Variants in ROMO1 observed in about 807,000 individuals in gnomAD.
The protein encoded by ROMO1 is reactive oxygen species modulator 1, also known as PCM19.
A neutral mutation model predicts 7.4 loss-of-function variants in ROMO1; 8 were observed. The ratio of observed to expected loss-of-function variants is 1.08; its 90% CI spans 0.63 to 1.95. The LOEUF (loss-of-function observed/expected upper bound fraction) is 1.95, where lower values mean the gene tolerates loss of function less well. Ranked by LOEUF, ROMO1 falls within the 30% of genes most tolerant of loss-of-function variation. The pLI is 0.00. For missense variants in ROMO1, 91 were observed against 115.9 expected (o/e 0.79, Z 0.99); for synonymous variants, 43 against 41.4 (o/e 1.04, Z -0.15).
intron 2 of ROMO1, 79 bp from the exon 3 acceptor site, chr20:35,700,719 C>A (rs2035248745): frequency 8.2e-7 from 1 of 1,214,062 alleles, no homozygotes; most frequent in Non-Finnish European, 1.2e-6. Context: ...CTAGTGTTAG[C>A]AAAAAATTGG....
Position 35,700,912 on chromosome 20 carries a change from G to T in ROMO1, c.*6G>T. 1 of 1,599,156 alleles carries T rather than the reference G, an allele frequency of 6.3e-7. No homozygotes were observed. Among genetic ancestry groups the T allele is most frequent in the Non-Finnish European group, 8.6e-7 (1 of 1,166,394 alleles). ...GGATGGGCATCCGATGCTAACCATG[G>T]TTGCCAACTACATCTGTCCCTTCCC... On this transcript the variant is annotated 3_prime_UTR_variant, in exon 3 of 3. Coordinates refer to ENST00000374077, the MANE Select transcript of ROMO1 (RefSeq NM_080748.3).
rs1269471759 is a variant in ROMO1 at position 35,699,825 on chromosome 20, C to T, written c.131+62C>T. ...CCAGACCTTCCGGCCCTGCCCCATT[C>T]GGCCTGGAGCCTGAACACAGCCTCC... On this transcript the variant is annotated intron_variant, in intron 2 of 2. Coordinates refer to ENST00000374077, the MANE Select transcript of ROMO1 (RefSeq NM_080748.3). This position sits in a 1 kb window ranked among gnomAD's most constrained non-coding sequence, Gnocchi z 4.4. 1.0e-5 allele frequency: 16 copies of T among 1,544,748 alleles called. No homozygotes were observed. The Admixed American group carries it at 1.5e-4, about 14-fold the overall frequency.
rs1163776821 is a variant in ROMO1, at chr20:35,699,669, C to T, written c.37C>T (p.Pro13Ser). 1.2e-6 allele frequency: 2 copies of T among 1,613,648 alleles called. No homozygotes were observed. Among genetic ancestry groups the T allele is most frequent in the Non-Finnish European group, 1.7e-6 (2 of 1,180,024 alleles). Reference protein sequence around the residue: ...VAVGPYGQSQPSCFDRVKMGF... With the variant: ...VAVGPYGQSQSSCFDRVKMGF... ...CGTGGGTCCCTACGGACAGTCCCAG[C>T]CAAGCTGCTTCGACCGTGTCAAAAT... The change falls in exon 2 of 3, where the codon CCA becomes TCA. Residue 13 changes from proline to serine, a missense_variant. Coordinates refer to ENST00000374077, the MANE Select transcript of ROMO1 (RefSeq NM_080748.3). The surrounding 1 kb of genome is among the most constrained non-coding windows in gnomAD (Gnocchi z 4.4).
At position 35,700,881 on chromosome 20, in the gene ROMO1, C is replaced by A. The variant is rs780487669; in HGVS notation, c.215C>A (p.Ala72Asp). 1 of 1,613,910 alleles carries A rather than the reference C, an allele frequency of 6.2e-7. No homozygotes were observed. The highest frequency in any genetic ancestry group is 8.5e-7 in the Non-Finnish European group (1 of 1,179,770). ...GGCGGCACCTTTGGCACATTCATGG[C>A]CATTGGGATGGGCATCCGATGCTAA... is the stretch of plus-strand genomic sequence containing the variant. ...QSGGTFGTFM[A>D]IGMGIRC is the part of the protein sequence containing the mutation. The change falls in exon 3 of 3, where the codon GCC becomes GAC. Residue 72 changes from alanine (A) to aspartate (D), a missense_variant. Coordinates refer to ENST00000374077, the MANE Select transcript of ROMO1 (RefSeq NM_080748.3).
At position 35,699,430 on chromosome 20, in the gene ROMO1, A is replaced by G; in HGVS notation, c.-27A>G. 8.5e-7 allele frequency: 1 copy of G among 1,179,104 alleles called. No homozygotes were observed. Among genetic ancestry groups the G allele is most frequent in the Non-Finnish European group, 1.2e-6 (1 of 867,204 alleles). The allele number at this position is 1,179,104 out of a possible 1,614,324, so 73.0% of individuals were successfully genotyped here. ...GTTTTCCGTGAGAGACGTAGAGCTG[A>G]GCGACCCAGCCCGCGAGCGAGGTGA... On this transcript the variant is annotated 5_prime_UTR_variant, in exon 1 of 3. Coordinates refer to ENST00000374077, the MANE Select transcript of ROMO1 (RefSeq NM_080748.3). This position sits in a 1 kb window ranked among gnomAD's most constrained non-coding sequence, Gnocchi z 4.4.
chr20:35,700,629 C>CT (rs1434657988), intron 2 of ROMO1, 169 bp from the exon 3 acceptor site: 32 of 632,954 alleles, frequency 5.1e-5, no homozygotes, highest in Non-Finnish European at 8.9e-5. Flanking sequence ...CCAGATGGAT[C>CT]TTTTTCCTTC....
At chr20:35,700,479 A>G (rs2035241646) in intron 2 of ROMO1, among the ~76,000 whole-genome samples, 2 of 152,196 alleles carry the variant, frequency 1.3e-5, no homozygotes. Context: ...ACTAAAAGAC[A>G]GATGTCTTTA....
Position 35,700,751 on chromosome 20 carries a change from T to C in ROMO1, c.132-47T>C, listed in dbSNP as rs201136218. 87 of 1,522,042 alleles carry C rather than the reference T, an allele frequency of 5.7e-5. No homozygotes were observed. The African/African-American group carries it at 1.1e-3, about 20-fold the overall frequency. The allele number at this position is 1,522,042 out of a possible 1,614,324, so 94.3% of individuals were successfully genotyped here. On this transcript the variant is annotated intron_variant, in intron 2 of 2. Transcript: ENST00000374077. ...TTGGAAAGGAGCAGTTAATACTCTT[T>C]CTGATATTTTTGTTACCAAATAGCT...
chr20:35,700,920 C>G lies in ROMO1; in HGVS notation c.*14C>G. 1.3e-6 allele frequency: 2 copies of G among 1,567,426 alleles called. No homozygotes were observed. The highest frequency in any genetic ancestry group is 1.8e-6 in the Non-Finnish European group (2 of 1,137,412). The stretch of plus-strand genomic sequence containing the variant: ...ATCCGATGCTAACCATGGTTGCCAA[C>G]TACATCTGTCCCTTCCCATCAATCC... On this transcript the variant is annotated 3_prime_UTR_variant, in exon 3 of 3. Transcript: ENST00000374077.
chr20:35,700,148 T>C (rs1282781254), intron 2 of ROMO1, among the ~76,000 whole-genome samples: 1 of 152,106 alleles, frequency 6.6e-6, no homozygotes, highest in Non-Finnish European at 1.5e-5. Flanking sequence ...CTGTTGCTTT[T>C]ATTTTTTTTT....
At position 35,699,672 on chromosome 20, in the gene ROMO1, A is replaced by G. The variant is rs2035217298; in HGVS notation, c.40A>G (p.Ser14Gly). 2 of 1,613,652 alleles carry G rather than the reference A, an allele frequency of 1.2e-6. No individual in the cohort carries two copies. Among genetic ancestry groups the G allele is most frequent in the South Asian group, 2.2e-5 (2 of 91,092 alleles). Residue 14 changes from serine (S) to glycine (G), a missense_variant, in exon 2 of 3, where the codon AGC becomes GGC. Physicochemically the swap from Ser to Gly is moderately conservative, Grantham distance 56 (BLOSUM62 0). Transcript: ENST00000374077. This position sits in a 1 kb window ranked among gnomAD's most constrained non-coding sequence, Gnocchi z 4.4. ...AVGPYGQSQP[S>G]CFDRVKMGFV... Reference sequence around the variant, plus strand: ...GGGTCCCTACGGACAGTCCCAGCCAAGCTGCTTCGACCGTGTCAAAATGGG... The same window carrying G: ...GGGTCCCTACGGACAGTCCCAGCCAGGCTGCTTCGACCGTGTCAAAATGGG...
Position 35,700,956 on chromosome 20 carries a change from A to G in ROMO1, c.*50A>G, listed in dbSNP as rs1429480088. On this transcript the variant is annotated 3_prime_UTR_variant, in exon 3 of 3. Transcript: ENST00000374077. ...CCTTCCCATCAATCCCAGCCCATGT[A>G]CTAATAAAAGAAAGTCTTTGAGTAG... 4 of 1,321,406 alleles carry G rather than the reference A, an allele frequency of 3.0e-6. No individual in the cohort carries two copies. The highest frequency in any genetic ancestry group is 1.4e-5 in the African/African-American group (1 of 69,402). 81.9% of individuals were successfully genotyped at this position (1,321,406 alleles called of 1,614,324 possible). A position where few individuals can be genotyped will look rare whatever the true frequency, so the allele number is the denominator to read the frequency against.
At chr20:35,700,063 T>G (rs761202501) in intron 2 of ROMO1, among the ~76,000 whole-genome samples, 15 of 152,302 alleles carry the variant, frequency 9.8e-5, no homozygotes, top group Non-Finnish European at 8.8e-5. Context: ...ATCTAACTTA[T>G]AGAGTTGTAA....
intron 2 of ROMO1, among the ~76,000 whole-genome samples, chr20:35,700,412 A>AATTGT (rs1259730684): frequency 6.6e-6 from 1 of 152,172 alleles, no homozygotes; most frequent in African/African-American, 2.4e-5. Flanking sequence ...ACTATGTGTA[A>AATTGT]ATTGTAGAGC....
At chr20:35,700,278 T>C (rs1391357528) in intron 2 of ROMO1, among the ~76,000 whole-genome samples, 1 of 152,212 alleles carries the variant, frequency 6.6e-6, no homozygotes, top group Non-Finnish European at 1.5e-5. Flanking sequence ...GAGGCTGTTA[T>C]TGCCATATCC....
In ROMO1 at chr20:35,700,954, G is replaced by A. The variant is rs374425053; in HGVS notation, c.*48G>A. On this transcript the variant is annotated 3_prime_UTR_variant, in exon 3 of 3. Coordinates refer to ENST00000374077, the MANE Select transcript of ROMO1 (RefSeq NM_080748.3). ...TCCCTTCCCATCAATCCCAGCCCAT[G>A]TACTAATAAAAGAAAGTCTTTGAGT... 1.4e-4 allele frequency: 185 copies of A among 1,333,882 alleles called. No homozygotes were observed. The African/African-American group carries it at 2.2e-3, about 16-fold the overall frequency. The allele number at this position is 1,333,882 out of a possible 1,614,324, so 82.6% of individuals were successfully genotyped here. A position where few individuals can be genotyped will look rare whatever the true frequency, so the allele number is the denominator to read the frequency against.
chr20:35,700,541 T>TATA (rs2035243933), intron 2 of ROMO1, among the ~76,000 whole-genome samples: 1 of 152,188 alleles, frequency 6.6e-6, no homozygotes, highest in African/African-American at 2.4e-5. Context: ...TTTCTCTATG[T>TATA]ATTTTACACT....
At position 35,699,593 on chromosome 20, in the gene ROMO1, TG is replaced by T; in HGVS notation, c.1-37del. On this transcript the variant is annotated intron_variant, in intron 1 of 2. Coordinates refer to ENST00000374077, the MANE Select transcript of ROMO1 (RefSeq NM_080748.3). The surrounding 1 kb of genome is among the most constrained non-coding windows in gnomAD (Gnocchi z 4.4). Reference sequence around the variant, plus strand: ...ACCGCTTCCGTCCCCGCCCGACTCTTGGGCCAGCGCCTGGGCCCACACTTTC... The same window carrying T: ...ACCGCTTCCGTCCCCGCCCGACTCTTGGCCAGCGCCTGGGCCCACACTTTC... 6.2e-7 allele frequency: 1 copy of T among 1,607,604 alleles called. No individual in the cohort carries two copies. The highest frequency in any genetic ancestry group is 8.5e-7 in the Non-Finnish European group (1 of 1,179,636).
In ROMO1 at chr20:35,699,919, T is replaced by C. The variant is rs1471124671; in HGVS notation, c.131+156T>C. ...TCCAAACCACCTTCAATCTGTAAAG[T>C]CAGGTTGGAAGCGTCAGTGCTTAAG... On this transcript the variant is annotated intron_variant, in intron 2 of 2. Transcript: ENST00000374077. The surrounding 1 kb of genome is among the most constrained non-coding windows in gnomAD (Gnocchi z 4.4). Among the ~76,000 whole-genome samples the C allele has an allele frequency of 6.6e-6, 1 of 152,188 alleles. No individual in the cohort carries two copies. The highest frequency in any genetic ancestry group is 2.4e-5 in the African/African-American group (1 of 41,450).
Sources: gnomAD v4.1 joint callset for allele counts (sites outside exome capture counted in the v4.1 genomes callset) on GRCh38, gnomAD v4.1.1 for gene constraint, Gnocchi (gnomAD v3.1) non-coding constraint, MANE v1.5 for transcripts, NCBI Gene and HGNC (gene_info 2026-07-23, HGNC 2026-07-21) for gene names.